The following NCKAP5 variants were observed in gnomAD, a reference collection of about 807,000 sequenced individuals.
NCKAP5 encodes the protein NCK associated protein 5.
NCKAP5 carries 92 observed loss-of-function variants against 167.0 expected under a neutral mutation model. The observed-to-expected ratio is 0.55, with a 90% CI of 0.47 to 0.66. NCKAP5 has a LOEUF of 0.66. Among genes scored for constraint, NCKAP5 ranks in the 30% least tolerant of loss-of-function variants. The pLI is 0.00. For synonymous variants in NCKAP5, 891 were observed against 877.4 expected, an observed-to-expected ratio of 1.02 and a Z score of -0.27; for missense variants, 2,378 against 2,315.0, an observed-to-expected ratio of 1.03 and a Z score of -0.56.
intron 5 of NCKAP5, among the ~76,000 whole-genome samples, chr2:133,177,164 C>CTGTATATATATATATA: frequency 7.2e-6 from 1 of 138,608 alleles, no homozygotes; most frequent in Non-Finnish European, 1.5e-5. Context: ...GTTTTGTTTT[C>CTGTATATATATATATA]TATATATATA....
the NCKAP5 span, among the ~76,000 whole-genome samples, chr2:133,624,096 A>C: frequency 6.6e-6 from 1 of 152,052 alleles, no homozygotes; most frequent in Non-Finnish European, 1.5e-5. Flanking sequence ...ACGCAAAGGC[A>C]TAAGAATGAT....
chr2:133,133,863 A>G (rs900173149), intron 5 of NCKAP5, among the ~76,000 whole-genome samples: 24 of 152,320 alleles, frequency 1.6e-4, no homozygotes, highest in African/African-American at 5.8e-4. Context: ...CTCTGTTTCC[A>G]TGGTTAGAAA....
At chr2:133,477,668 T>A (rs142111135) in intron 3 of NCKAP5, among the ~76,000 whole-genome samples, 37 of 152,292 alleles carry the variant, frequency 2.4e-4, no homozygotes, top group Admixed American at 1.4e-3. Context: ...TATACTGCAA[T>A]AAAAGTTATG....
At chr2:132,934,601 CGAT>C (rs1558960855) in intron 8 of NCKAP5, among the ~76,000 whole-genome samples, 1 of 151,816 alleles carries the variant, frequency 6.6e-6, no homozygotes, top group East Asian at 1.9e-4. Flanking sequence ...AAAAAGTAAA[CGAT>C]GACCCCACAC....
At chr2:133,530,460 A>G (rs1417249742) in intron 2 of NCKAP5, among the ~76,000 whole-genome samples, 1 of 152,200 alleles carries the variant, frequency 6.6e-6, no homozygotes, top group Non-Finnish European at 1.5e-5. Flanking sequence ...AAAAAGTACC[A>G]TATAGGTTTT....
At chr2:133,516,063 T>C (rs1053071179) in intron 3 of NCKAP5, among the ~76,000 whole-genome samples, 21 of 152,372 alleles carry the variant, frequency 1.4e-4, no homozygotes, top group African/African-American at 3.8e-4. Flanking sequence ...ATGATATTTC[T>C]GGGTTAAGAG....
intron 3 of NCKAP5, among the ~76,000 whole-genome samples, chr2:133,465,659 C>T (rs1031944268): frequency 2.6e-5 from 4 of 152,078 alleles, no homozygotes; most frequent in Non-Finnish European, 4.4e-5. Context: ...TCCACATCCT[C>T]TCCAGCACCT....
At chr2:133,287,068 C>T (rs770320807) in intron 4 of NCKAP5, among the ~76,000 whole-genome samples, 16 of 152,304 alleles carry the variant, frequency 1.1e-4, no homozygotes, top group East Asian at 3.9e-4. Flanking sequence ...ATACCTTCCT[C>T]GGGATGGTAA....
intron 7 of NCKAP5, among the ~76,000 whole-genome samples, chr2:132,983,837 A>G (rs1328630030): frequency 6.6e-6 from 1 of 152,200 alleles, no homozygotes; most frequent in East Asian, 1.9e-4. Flanking sequence ...AAAGTGATTT[A>G]GGATTAGATA....
At chr2:133,547,095 C>T (rs1055849992) in intron 2 of NCKAP5, among the ~76,000 whole-genome samples, 4 of 152,216 alleles carry the variant, frequency 2.6e-5, no homozygotes, top group African/African-American at 9.6e-5. Flanking sequence ...AGTTCCCTTT[C>T]CAAGGCAAAG....
At chr2:133,409,887 C>T (rs573421006) in intron 3 of NCKAP5, among the ~76,000 whole-genome samples, 1 of 151,934 alleles carries the variant, frequency 6.6e-6, no homozygotes, top group South Asian at 2.1e-4. Flanking sequence ...GCCAAATGAC[C>T]AAAAAAGGTT....
At chr2:132,932,869 A>T (rs565673777) in intron 8 of NCKAP5, among the ~76,000 whole-genome samples, 1 of 152,010 alleles carries the variant, frequency 6.6e-6, no homozygotes, top group South Asian at 2.1e-4. Flanking sequence ...AAAGGTAAAC[A>T]GGCGTAGTTC....
chr2:133,195,940 A>C (rs2085417587), intron 5 of NCKAP5, among the ~76,000 whole-genome samples: 1 of 152,230 alleles, frequency 6.6e-6, no homozygotes, highest in South Asian at 2.1e-4. Context: ...AGAAACATAC[A>C]TCAATTGAAA....
intron 19 of NCKAP5, among the ~76,000 whole-genome samples, chr2:132,693,424 A>G (rs1686983728): frequency 1.3e-5 from 2 of 152,190 alleles, no homozygotes; most frequent in African/African-American, 4.8e-5. Context: ...AGACACAGAG[A>G]AGAATGCCAT....
At chr2:132,806,216 G>A (rs373276857) in intron 11 of NCKAP5, among the ~76,000 whole-genome samples, 8 of 152,104 alleles carry the variant, frequency 5.3e-5, no homozygotes, top group South Asian at 2.1e-4. Context: ...TTGCAATTGC[G>A]AACTGTGCTG....
intron 5 of NCKAP5, among the ~76,000 whole-genome samples, chr2:133,174,995 T>TGA (rs2084398522): frequency 6.6e-6 from 1 of 152,232 alleles, no homozygotes; most frequent in Admixed American, 6.5e-5. Flanking sequence ...CAGCAATGTA[T>TGA]GAGTGTCTGT....
At chr2:133,603,395 T>C in the NCKAP5 span, among the ~76,000 whole-genome samples, 1 of 151,714 alleles carries the variant, frequency 6.6e-6, no homozygotes, top group African/African-American at 2.4e-5. Flanking sequence ...CCAGCTAATC[T>C]TGCATTTTTA....
chr2:132,903,401 T>C (rs1693776331), intron 8 of NCKAP5, among the ~76,000 whole-genome samples: 2 of 152,216 alleles, frequency 1.3e-5, no homozygotes, highest in Admixed American at 1.3e-4. Context: ...GTGACTTACA[T>C]AGTTTTAACT....
chr2:133,291,742 C>A (rs1446394024), intron 4 of NCKAP5, among the ~76,000 whole-genome samples: 1 of 152,210 alleles, frequency 6.6e-6, no homozygotes, highest in Non-Finnish European at 1.5e-5. Flanking sequence ...CAAAATTCAC[C>A]CACCCTCCAA....
Sources: gnomAD v4.1 joint callset for allele counts (sites outside exome capture counted in the v4.1 genomes callset) on GRCh38, gnomAD v4.1.1 for gene constraint, MANE v1.5 for transcripts, NCBI Gene and HGNC (gene_info 2026-07-23, HGNC 2026-07-21) for gene names.